SAMD5: variants seen among roughly 807,000 people sequenced by gnomAD.
The protein encoded by SAMD5 is sterile alpha motif domain-containing protein 5.
SAMD5 carries 13 observed loss-of-function variants against 11.3 expected under a neutral mutation model. The ratio of observed to expected loss-of-function variants is 1.15; its 90% confidence interval spans 0.75 to 1.83. The LOEUF is 1.83. Among genes scored for constraint, SAMD5 ranks in the 40% most tolerant of loss-of-function variants. The probability of loss-of-function intolerance (pLI) is 0.00; values close to 1 mark genes in which losing one functional copy is unlikely to be tolerated. For missense variants in SAMD5, 255 were observed against 239.1 expected (o/e 1.07, Z -0.44); for synonymous variants, 129 against 111.3 (o/e 1.16, Z -1.00).
At chr6:147,919,896 A>G in the SAMD5 span, among the ~76,000 whole-genome samples, 2 of 152,246 alleles carry the variant, frequency 1.3e-5, no homozygotes, top group South Asian at 4.1e-4. Context: ...AACGTCATAA[A>G]GACACTGAGA....
chr6:147,783,246 G>C, the SAMD5 span, among the ~76,000 whole-genome samples: 1 of 152,100 alleles, frequency 6.6e-6, no homozygotes, highest in South Asian at 2.1e-4. Context: ...GGATCTGGCT[G>C]TTATAACCAC....
intron 1 of SAMD5, among the ~76,000 whole-genome samples, chr6:147,650,988 C>T (rs1301652925): frequency 1.3e-5 from 2 of 152,128 alleles, no homozygotes; most frequent in African/African-American, 2.4e-5. Flanking sequence ...AACTCTGGTT[C>T]AAGGTTATTG....
At chr6:147,744,578 G>A in the SAMD5 span, among the ~76,000 whole-genome samples, 1 of 152,130 alleles carries the variant, frequency 6.6e-6, no homozygotes, top group Non-Finnish European at 1.5e-5. Context: ...GAGAAACAAG[G>A]AAGGAAAAGG....
the SAMD5 span, among the ~76,000 whole-genome samples, chr6:147,924,490 T>C: frequency 2.0e-5 from 3 of 152,148 alleles, no homozygotes; most frequent in Non-Finnish European, 4.4e-5. Flanking sequence ...TTTCAGAACA[T>C]AAGCCTGATC....
downstream of SAMD5, among the ~76,000 whole-genome samples, chr6:147,738,213 G>A (rs1350479179): frequency 1.3e-5 from 2 of 152,162 alleles, no homozygotes; most frequent in African/African-American, 4.8e-5. Context: ...AGTGGTGCAG[G>A]AAGGCGCAGG....
chr6:147,590,139 A>G (rs1301060581), intron 1 of SAMD5, among the ~76,000 whole-genome samples: 1 of 152,218 alleles, frequency 6.6e-6, no homozygotes, highest in East Asian at 1.9e-4. Flanking sequence ...AGAAATGCAG[A>G]GAAGGGAGGT....
At chr6:147,769,481 A>T in the SAMD5 span, among the ~76,000 whole-genome samples, 2 of 152,114 alleles carry the variant, frequency 1.3e-5, no homozygotes, top group African/African-American at 4.8e-5. Context: ...CAACTTCCTT[A>T]CTCAGTGATA....
intron 1 of SAMD5, among the ~76,000 whole-genome samples, chr6:147,539,166 G>GGATCCCC (rs1788560595): frequency 6.6e-6 from 1 of 152,304 alleles, no homozygotes; most frequent in South Asian, 2.1e-4. Flanking sequence ...ACTGGATCCT[G>GGATCCCC]GATCCCCAAA....
chr6:147,745,753 G>A, the SAMD5 span, among the ~76,000 whole-genome samples: 3 of 151,272 alleles, frequency 2.0e-5, no homozygotes, highest in Non-Finnish European at 2.9e-5. Flanking sequence ...CTAGCTGTGT[G>A]CCTCTGGGAA....
intron 1 of SAMD5, among the ~76,000 whole-genome samples, chr6:147,640,939 C>T (rs1035322144): frequency 8.5e-5 from 13 of 152,166 alleles, no homozygotes; most frequent in Admixed American, 8.5e-4. Flanking sequence ...CTTGTCCTGC[C>T]TCCTCACCTC....
chr6:147,902,111 A>G, the SAMD5 span, among the ~76,000 whole-genome samples: 1 of 151,924 alleles, frequency 6.6e-6, no homozygotes, highest in East Asian at 2.0e-4. Flanking sequence ...TTTCTAATTT[A>G]AGCCTTGAAT....
chr6:147,926,563 G>T, the SAMD5 span, among the ~76,000 whole-genome samples: 1 of 151,820 alleles, frequency 6.6e-6, no homozygotes, highest in African/African-American at 2.4e-5. Flanking sequence ...CCTTATAGAT[G>T]CTGGATATTA....
chr6:147,735,841 G>A (rs1264018555), intron 1 of SAMD5, among the ~76,000 whole-genome samples: 1 of 152,062 alleles, frequency 6.6e-6, no homozygotes, highest in African/African-American at 2.4e-5. Context: ...TATGTTCAAG[G>A]AGTACTACAA....
chr6:147,929,776 G>T, the SAMD5 span, among the ~76,000 whole-genome samples: 23 of 151,974 alleles, frequency 1.5e-4, no homozygotes, highest in Non-Finnish European at 2.4e-4. Flanking sequence ...GGTAACATTG[G>T]GGGGGAAAGT....
chr6:147,850,071 A>G, the SAMD5 span, among the ~76,000 whole-genome samples: 1 of 152,196 alleles, frequency 6.6e-6, no homozygotes, highest in Non-Finnish European at 1.5e-5. Flanking sequence ...TTTAAACTTG[A>G]CTTGCATTCC....
At chr6:147,818,601 G>C in the SAMD5 span, among the ~76,000 whole-genome samples, 2 of 152,164 alleles carry the variant, frequency 1.3e-5, no homozygotes, top group Admixed American at 1.3e-4. Context: ...CATTATTTCT[G>C]TAATCATCCA....
At position 147,567,644 on chromosome 6, in the gene SAMD5, C is replaced by G; in HGVS notation, c.*3188C>G. 1 of 985,224 alleles carries G rather than the reference C, an allele frequency of 1.0e-6. No homozygotes were observed. The highest frequency in any genetic ancestry group is 1.2e-6 in the Non-Finnish European group (1 of 829,766). 61.0% of individuals were successfully genotyped at this position (985,224 alleles called of 1,614,324 possible). A position where few individuals can be genotyped will look rare whatever the true frequency, so the allele number is the denominator to read the frequency against. ...GGCATGTAGCAGGTGCTGACTGCCT[C>G]TCTCCCTTCCCTTCTTTACTCTCAG... is the stretch of plus-strand genomic sequence containing the variant. On this transcript the variant is annotated 3_prime_UTR_variant, in exon 2 of 2. Coordinates refer to ENST00000367474, the MANE Select transcript of SAMD5 (RefSeq NM_001030060.3).
the SAMD5 span, among the ~76,000 whole-genome samples, chr6:147,756,609 T>C: frequency 6.6e-6 from 1 of 152,318 alleles, no homozygotes; most frequent in Non-Finnish European, 1.5e-5. Context: ...GTTTTAATTT[T>C]ACCATTTAGG....
chr6:147,533,768 G>C (rs1788466786), intron 1 of SAMD5, among the ~76,000 whole-genome samples: 1 of 152,160 alleles, frequency 6.6e-6, no homozygotes, highest in Non-Finnish European at 1.5e-5. Context: ...TTGCGGTCTT[G>C]AGATTGAGGG....
Sources: allele counts gnomAD v4.1 joint callset (sites outside exome capture counted in the v4.1 genomes callset), GRCh38; gene constraint gnomAD v4.1.1; transcripts MANE v1.5; gene names NCBI Gene and HGNC (gene_info 2026-07-23, HGNC 2026-07-21).